The following ABCA12 variants were observed in gnomAD, a reference collection of about 807,000 sequenced individuals.
The protein encoded by ABCA12 is glucosylceramide transporter ABCA12.
In ABCA12, 156 loss-of-function variants were observed where a neutral mutation model predicts 293.5. That is an observed-to-expected ratio of 0.53 (90% CI 0.47 to 0.61). The LOEUF is 0.61. Among genes scored for constraint, ABCA12 ranks in the 20% least tolerant of loss-of-function variants. The pLI, the probability that ABCA12 is intolerant of heterozygous loss-of-function variation, is 0.00. For synonymous variants in ABCA12, 1,063 were observed against 1,108.0 expected (o/e 0.96, Z 0.81); for missense variants, 2,797 against 3,090.2 (o/e 0.91, Z 2.25).
At chr2:215,048,920 C>G (rs974614436) in intron 6 of ABCA12, among the ~76,000 whole-genome samples, 6 of 152,098 alleles carry the variant, frequency 3.9e-5, no homozygotes, top group African/African-American at 2.4e-5. Context: ...CGAAATACTG[C>G]ATTTTCTCAC....
intron 26 of ABCA12, among the ~76,000 whole-genome samples, chr2:214,988,355 G>A (rs1483282389): frequency 6.6e-6 from 1 of 152,136 alleles, no homozygotes; most frequent in Non-Finnish European, 1.5e-5. Flanking sequence ...ATAAAGTTGT[G>A]CAATTCAGTA....
chr2:215,094,649 C>T (rs968709644), intron 2 of ABCA12, among the ~76,000 whole-genome samples: 1 of 152,184 alleles, frequency 6.6e-6, no homozygotes, highest in Admixed American at 6.5e-5. Context: ...GCTACCTTCC[C>T]CTTGTTCTTC....
In ABCA12 at chr2:215,062,319, C is replaced by T. The variant is rs190827488; in HGVS notation, c.317+1747G>A. 1.2e-4 allele frequency among the ~76,000 whole-genome samples: 19 copies of T among 152,096 alleles called. No individual in the cohort carries two copies. In the East Asian group the frequency reaches 3.1e-3, roughly 25 times the overall value. On this transcript the variant is annotated intron_variant, in intron 3 of 52. Coordinates refer to ENST00000272895, the MANE Select transcript of ABCA12 (RefSeq NM_173076.3). ...CCATTCTTCTTCCATCCCACCTTTG[C>T]ACTGATTATACAAGAGGGAATAGAC...
intron 2 of ABCA12, among the ~76,000 whole-genome samples, chr2:215,079,655 GCTGC>G (rs1701898861): frequency 6.6e-6 from 1 of 152,148 alleles, no homozygotes; most frequent in African/African-American, 2.4e-5. Context: ...GTCAAAATGA[GCTGC>G]CAGCTTTTGC....
Position 215,063,998 on chromosome 2 carries a change from G to T in ABCA12, c.317+68C>A. 3 of 1,600,642 alleles carry T rather than the reference G, an allele frequency of 1.9e-6. No homozygotes were observed. In the South Asian group the frequency reaches 3.3e-5, roughly 18 times the overall value. On this transcript the variant is annotated intron_variant, in intron 3 of 52. Coordinates refer to ENST00000272895, the MANE Select transcript of ABCA12 (RefSeq NM_173076.3). The stretch of plus-strand genomic sequence containing the variant: ...CATATCTAAGCTTGCATGGCTTCCT[G>T]GCTATCTCAGAAGGAAACAAGATTT...
chr2:214,983,908 G>A, intron 28 of ABCA12, 43 bp from the exon 29 acceptor site: 1 of 1,561,162 alleles, frequency 6.4e-7, no homozygotes, highest in Non-Finnish European at 8.8e-7. Flanking sequence ...GCCAAGCATT[G>A]AAGCTAGATA....
intron 27 of ABCA12, 26 bp from the exon 28 acceptor site, chr2:214,986,754 G>A (rs1699797130): frequency 6.2e-7 from 1 of 1,606,196 alleles, no homozygotes; most frequent in South Asian, 1.1e-5. Flanking sequence ...GGGAAGAGTT[G>A]TAAACTCACA....
At chr2:215,114,871 A>G (rs1189068544) in intron 1 of ABCA12, among the ~76,000 whole-genome samples, 1 of 152,236 alleles carries the variant, frequency 6.6e-6, no homozygotes, top group Admixed American at 6.5e-5. Flanking sequence ...TTAATGCCCC[A>G]TAGCTACTTT....
intron 39 of ABCA12, among the ~76,000 whole-genome samples, chr2:214,960,865 C>G (rs1189383562): frequency 2.6e-5 from 4 of 151,872 alleles, no homozygotes; most frequent in Non-Finnish European, 5.9e-5. Context: ...GAAGAAAGAA[C>G]AGAATTTTCA....
intron 2 of ABCA12, among the ~76,000 whole-genome samples, chr2:215,074,569 C>T (rs928163297): frequency 6.6e-6 from 1 of 152,010 alleles, no homozygotes; most frequent in African/African-American, 2.4e-5. Context: ...AGAGGTTGGC[C>T]ACAAATTTGG....
At chr2:214,940,958 TTTCCTTCA>T (rs1698381848) in intron 50 of ABCA12, among the ~76,000 whole-genome samples, 1 of 152,162 alleles carries the variant, frequency 6.6e-6, no homozygotes, top group Admixed American at 6.5e-5. Context: ...CGAGTCTCTA[TTTCCTTCA>T]GTTCTGCTCT....
chr2:215,025,737 G>C lies in ABCA12; in HGVS notation c.1223C>G (p.Ser408Cys). The change falls in exon 11 of 53, where the codon TCT (serine) becomes TGT (cysteine). Residue 408 changes from serine to cysteine, a missense_variant. Physicochemically the swap from Ser to Cys is moderately radical, Grantham distance 112. Transcript: ENST00000272895. Reference sequence around the variant, plus strand: ...TTCATAGGAACCATTGCGAAGAAAAGATTTTTTAAATCGTATTGTGGACTG... The same window carrying C: ...TTCATAGGAACCATTGCGAAGAAAACATTTTTTAAATCGTATTGTGGACTG... Reference protein sequence around the residue: ...LLQSTIRFKKSFLRNGSYEDY... With the variant: ...LLQSTIRFKKCFLRNGSYEDY... 1 of 1,612,514 alleles carries C rather than the reference G, an allele frequency of 6.2e-7. No homozygotes were observed. The highest frequency in any genetic ancestry group is 1.3e-5 in the African/African-American group (1 of 74,788).
At chr2:215,014,631 G>C (rs1357281318) in intron 15 of ABCA12, among the ~76,000 whole-genome samples, 1 of 152,108 alleles carries the variant, frequency 6.6e-6, no homozygotes, top group Non-Finnish European at 1.5e-5. Context: ...AGGGAGAGGG[G>C]TAGAGGGTAG....
At chr2:214,959,825 G>C (rs1699063929) in intron 39 of ABCA12, among the ~76,000 whole-genome samples, 1 of 152,108 alleles carries the variant, frequency 6.6e-6, no homozygotes. Context: ...AGGGGACCTT[G>C]GTTAGCCAAA....
intron 8 of ABCA12, among the ~76,000 whole-genome samples, chr2:215,033,035 G>A (rs1319230110): frequency 2.0e-5 from 3 of 152,126 alleles, no homozygotes; most frequent in Non-Finnish European, 2.9e-5. Context: ...TTTAAGTAAC[G>A]TTTGTACAGC....
chr2:215,125,329 C>CT (rs1268699745), intron 1 of ABCA12, among the ~76,000 whole-genome samples: 1 of 151,996 alleles, frequency 6.6e-6, no homozygotes, highest in African/African-American at 2.4e-5. Flanking sequence ...TTTTCTAACT[C>CT]TGAAGAATGA....
chr2:215,125,582 G>T (rs1474577116), intron 1 of ABCA12, among the ~76,000 whole-genome samples: 1 of 152,028 alleles, frequency 6.6e-6, no homozygotes, highest in African/African-American at 2.4e-5. Flanking sequence ...CTGAGCTCTT[G>T]ATTTAGTTCT....
intron 1 of ABCA12, among the ~76,000 whole-genome samples, chr2:215,134,694 C>A (rs1703173254): frequency 7.1e-6 from 1 of 140,666 alleles, no homozygotes; most frequent in African/African-American, 2.7e-5. Flanking sequence ...TTTGTCCAGG[C>A]TGGAGTACAG....
At chr2:214,983,998 A>G in intron 28 of ABCA12, 133 bp from the exon 29 acceptor site, 1 of 672,560 alleles carries the variant, frequency 1.5e-6, no homozygotes, top group Non-Finnish European at 2.5e-6. Context: ...ATGAAATAAA[A>G]TGGTATTTAA....
Sources: gnomAD v4.1 joint callset for allele counts (sites outside exome capture counted in the v4.1 genomes callset) on GRCh38, gnomAD v4.1.1 for gene constraint, MANE v1.5 for transcripts, NCBI Gene and HGNC (gene_info 2026-07-23, HGNC 2026-07-21) for gene names.